MYO16: variants seen among roughly 807,000 people sequenced by gnomAD.
MYO16 encodes myosin XVI.
A neutral mutation model predicts 205.3 loss-of-function variants in MYO16; 94 were observed. The observed-to-expected ratio is 0.46, with a 90% CI of 0.39 to 0.54. MYO16 has a LOEUF of 0.54. Among genes scored for constraint, MYO16 ranks in the 20% least tolerant of loss-of-function variants. The probability of loss-of-function intolerance (pLI) is 0.00; values close to 1 mark genes in which losing one functional copy is unlikely to be tolerated. For missense variants in MYO16, 2,315 were observed against 2,387.5 expected, an observed-to-expected ratio of 0.97 and a Z score of 0.63; for synonymous variants, 988 against 954.0, an observed-to-expected ratio of 1.04 and a Z score of -0.66.
chr13:109,200,935 GCA>G (rs1566560783), intron 34 of MYO16, among the ~76,000 whole-genome samples: 1 of 152,072 alleles, frequency 6.6e-6, no homozygotes, highest in African/African-American at 2.4e-5. Context: ...CTTGGTGTAA[GCA>G]CAGAGTTGTA....
At chr13:108,921,090 A>C (rs1038023952) in intron 16 of MYO16, among the ~76,000 whole-genome samples, 1 of 152,222 alleles carries the variant, frequency 6.6e-6, no homozygotes, top group East Asian at 1.9e-4. Flanking sequence ...CACACACTGG[A>C]CCAAGCCCGT....
At chr13:109,124,393 G>T (rs965962840) in intron 29 of MYO16, among the ~76,000 whole-genome samples, 2 of 152,174 alleles carry the variant, frequency 1.3e-5, no homozygotes, top group African/African-American at 2.4e-5. Context: ...AAGTGCCATT[G>T]TGTCTGAAAT....
intron 20 of MYO16, among the ~76,000 whole-genome samples, chr13:108,991,954 G>T (rs1884847259): frequency 6.6e-6 from 1 of 152,110 alleles, no homozygotes; most frequent in Admixed American, 6.6e-5. Context: ...AAGTTTAAGG[G>T]TGCATGTACA....
chr13:108,573,153 G>A, the MYO16 span, among the ~76,000 whole-genome samples: 9 of 152,242 alleles, frequency 5.9e-5, no homozygotes, highest in East Asian at 1.7e-3. Flanking sequence ...AGTGTAAAAC[G>A]CCTGTACTTG....
the MYO16 span, among the ~76,000 whole-genome samples, chr13:108,534,876 CTTCTTCTTCTCCTCT>C: frequency 4.0e-5 from 6 of 148,974 alleles, no homozygotes; most frequent in Non-Finnish European, 7.4e-5. Context: ...TCTTCTCCTT[CTTCTTCTTCTCCTCT>C]TTCTTCTTCT....
intron 32 of MYO16, among the ~76,000 whole-genome samples, chr13:109,154,931 A>AAAAAAAAT (rs1471899527): frequency 6.6e-6 from 1 of 151,184 alleles, no homozygotes; most frequent in African/African-American, 2.4e-5. Flanking sequence ...AAAAAAAAAA[A>AAAAAAAAT]AAAAAAGCTA....
Position 108,888,456 on chromosome 13 carries a change from A to C in MYO16, c.1638A>C (p.Thr546=), listed in dbSNP as rs147534854. The change falls in exon 14 of 35, where the codon ACA becomes ACC. Residue 546 remains threonine (T), a synonymous_variant. Transcript: ENST00000457511. ...GCAGGGCTGGCGCCAGCAGGGCCAC[A>C]CTGGATTCCAGATTCAAACATGTAA... is the stretch of plus-strand genomic sequence containing the variant. ...LTCRAGASRA[T]LDSRFKHVVC... is the part of the protein sequence containing the mutation. 1.2e-6 allele frequency: 2 copies of C among 1,604,582 alleles called. No homozygotes were observed. The highest frequency in any genetic ancestry group is 2.7e-5 in the African/African-American group (2 of 74,364).
At chr13:108,943,651 A>G (rs909982080) in intron 16 of MYO16, among the ~76,000 whole-genome samples, 3 of 151,938 alleles carry the variant, frequency 2.0e-5, no homozygotes, top group African/African-American at 7.3e-5. Context: ...AGGTTTCACC[A>G]TGTTGGCCAG....
At chr13:108,823,335 A>T in intron 9 of MYO16, 57 bp downstream of exon 9, 3 of 1,509,690 alleles carry the variant, frequency 2.0e-6, no homozygotes, top group Non-Finnish European at 2.7e-6. Context: ...TGGTCATTTT[A>T]GAGCCCATAT....
chr13:108,714,060 G>T (rs1883828655), intron 3 of MYO16, among the ~76,000 whole-genome samples: 2 of 151,828 alleles, frequency 1.3e-5, no homozygotes, highest in South Asian at 4.2e-4. Context: ...GTTTGTTTTT[G>T]TTGTTGTTGT....
intron 12 of MYO16, among the ~76,000 whole-genome samples, chr13:108,873,856 C>T (rs1052400018): frequency 2.0e-5 from 3 of 152,138 alleles, no homozygotes; most frequent in East Asian, 1.9e-4. Context: ...GTTGGAGACA[C>T]GTAATATCAT....
chr13:109,074,403 C>A (rs956169626), intron 27 of MYO16, among the ~76,000 whole-genome samples: 11 of 152,282 alleles, frequency 7.2e-5, no homozygotes, highest in African/African-American at 2.6e-4. Flanking sequence ...ACTCTCAGTT[C>A]TGCATGGCTT....
chr13:109,086,403 A>C (rs1358666582), intron 27 of MYO16, among the ~76,000 whole-genome samples: 1 of 152,240 alleles, frequency 6.6e-6, no homozygotes, highest in Non-Finnish European at 1.5e-5. Context: ...GATAGGATCC[A>C]GCCTTTGAGA....
At chr13:108,647,234 G>A (rs904683457) in intron 1 of MYO16, among the ~76,000 whole-genome samples, 16 of 151,852 alleles carry the variant, frequency 1.1e-4, no homozygotes, top group African/African-American at 2.7e-4. Context: ...CATTTACCCC[G>A]GCATTGCATT....
intron 21 of MYO16, among the ~76,000 whole-genome samples, chr13:108,993,225 T>C (rs1484649425): frequency 6.6e-6 from 1 of 152,130 alleles, no homozygotes; most frequent in Non-Finnish European, 1.5e-5. Context: ...GGATAAACAA[T>C]TAAATAGAAT....
At chr13:108,755,848 T>TA (rs980148259) in intron 4 of MYO16, among the ~76,000 whole-genome samples, 5 of 152,206 alleles carry the variant, frequency 3.3e-5, no homozygotes, top group Non-Finnish European at 5.9e-5. Flanking sequence ...TGCTATGGGA[T>TA]AAAAACTTCA....
At chr13:108,528,669 C>T in the MYO16 span, among the ~76,000 whole-genome samples, 1 of 103,498 alleles carries the variant, frequency 9.7e-6, no homozygotes, top group Non-Finnish European at 2.0e-5. Flanking sequence ...CTTCCCTCCC[C>T]TCTCCTCTCC....
chr13:108,910,984 T>G, intron 16 of MYO16, among the ~76,000 whole-genome samples: 1 of 149,962 alleles, frequency 6.7e-6, no homozygotes, highest in Admixed American at 6.7e-5. Context: ...CAGTGTGAGT[T>G]TGCACAATTT....
chr13:108,878,419 G>A (rs953030337), intron 12 of MYO16, among the ~76,000 whole-genome samples: 1 of 152,106 alleles, frequency 6.6e-6, no homozygotes, highest in Admixed American at 6.5e-5. Context: ...CCAAACTCCA[G>A]GGAAGATCAT....
Sources: allele counts gnomAD v4.1 joint callset (sites outside exome capture counted in the v4.1 genomes callset), GRCh38; gene constraint gnomAD v4.1.1; transcripts MANE v1.5; gene names NCBI Gene and HGNC (gene_info 2026-07-23, HGNC 2026-07-21).